The following CTNNA3 variants were observed in gnomAD, a reference collection of about 807,000 sequenced individuals.
The protein encoded by CTNNA3 is catenin alpha-3.
Under a neutral mutation model 95.7 loss-of-function variants are expected in CTNNA3, and 76 were observed. That is an observed-to-expected ratio of 0.79 (90% CI 0.66 to 0.96). CTNNA3 has a LOEUF of 0.96. Ranked by LOEUF, CTNNA3 falls within the 40% of genes least tolerant of loss-of-function variation. The probability of loss-of-function intolerance (pLI) is 0.00; values close to 1 mark genes in which losing one functional copy is unlikely to be tolerated. For synonymous variants in CTNNA3, 431 were observed against 374.4 expected (o/e 1.15, Z -1.74); for missense variants, 1,191 against 1,089.8 (o/e 1.09, Z -1.31).
chr10:66,803,497 T>C lies in CTNNA3; in HGVS notation c.1048-27973A>G, dbSNP rs190159927. On this transcript the variant is annotated intron_variant, in intron 7 of 17. Transcript: ENST00000433211. The stretch of plus-strand genomic sequence containing the variant: ...TACCAGCATTTATCACTACACATTG[T>C]ATATTTTGAGAGTTTATTTGCATGT... 1.7e-3 allele frequency among the ~76,000 whole-genome samples: 252 copies of C among 152,188 alleles called. 1 individual carries two copies. The highest frequency in any genetic ancestry group is 5.9e-3 in the African/African-American group (243 of 41,530).
intron 10 of CTNNA3, among the ~76,000 whole-genome samples, chr10:66,614,189 C>T (rs184586955): frequency 1.1e-3 from 168 of 152,150 alleles, no homozygotes; most frequent in African/African-American, 3.9e-3. Flanking sequence ...TGTACTTCAA[C>T]AGACAAAGTG....
chr10:67,035,359 A>C (rs575886784), intron 7 of CTNNA3, among the ~76,000 whole-genome samples: 2 of 152,332 alleles, frequency 1.3e-5, no homozygotes, highest in East Asian at 3.9e-4. Flanking sequence ...TTCAGAAGGG[A>C]CCAAAACTGA....
chr10:66,358,353 A>C (rs536335998), intron 12 of CTNNA3, among the ~76,000 whole-genome samples: 1 of 152,088 alleles, frequency 6.6e-6, no homozygotes, highest in African/African-American at 2.4e-5. Flanking sequence ...AAATATGGGG[A>C]AAAAAAGGGG....
chr10:66,403,843 A>T (rs1365841733), intron 11 of CTNNA3, among the ~76,000 whole-genome samples: 3 of 152,200 alleles, frequency 2.0e-5, no homozygotes, highest in African/African-American at 7.2e-5. Context: ...GGCATCAGCC[A>T]AGCTAACTTT....
chr10:66,389,515 A>G (rs1380931914), intron 11 of CTNNA3, among the ~76,000 whole-genome samples: 1 of 152,136 alleles, frequency 6.6e-6, no homozygotes, highest in Non-Finnish European at 1.5e-5. Flanking sequence ...CTTGAGATGC[A>G]AAGGGTGATT....
chr10:67,553,784 A>C (rs1589418069), intron 3 of CTNNA3, among the ~76,000 whole-genome samples: 1 of 152,060 alleles, frequency 6.6e-6, no homozygotes, highest in Admixed American at 6.5e-5. Context: ...TTATACTTTA[A>C]GTTCTAGGGT....
intron 15 of CTNNA3, among the ~76,000 whole-genome samples, chr10:66,050,546 C>T (rs1036638443): frequency 7.2e-5 from 11 of 152,084 alleles, no homozygotes; most frequent in African/African-American, 2.4e-4. Flanking sequence ...ATCATCCTGC[C>T]TCAGCCTCTT....
At chr10:67,627,608 T>C (rs1839001176) in intron 2 of CTNNA3, among the ~76,000 whole-genome samples, 1 of 152,144 alleles carries the variant, frequency 6.6e-6, no homozygotes, top group African/African-American at 2.4e-5. Flanking sequence ...TCTAAGTAAG[T>C]TAAAATACTA....
intron 1 of CTNNA3, among the ~76,000 whole-genome samples, chr10:67,736,209 A>ACT (rs1285133698): frequency 7.4e-4 from 112 of 152,332 alleles, no homozygotes; most frequent in Non-Finnish European, 1.0e-3. Context: ...TAAGTATTGT[A>ACT]TAATTCCACT....
chr10:67,547,319 A>G (rs913577190), intron 3 of CTNNA3, among the ~76,000 whole-genome samples: 4 of 152,208 alleles, frequency 2.6e-5, no homozygotes, highest in African/African-American at 9.7e-5. Context: ...AACGAGAGTG[A>G]CTACATCAAA....
chr10:66,112,669 G>T (rs562549829), intron 13 of CTNNA3, among the ~76,000 whole-genome samples: 35 of 151,950 alleles, frequency 2.3e-4, no homozygotes, highest in Non-Finnish European at 4.9e-4. Context: ...TTCTGCTCAT[G>T]GTTTCTAGGA....
chr10:66,894,067 C>T (rs1050482200), intron 7 of CTNNA3, among the ~76,000 whole-genome samples: 1 of 152,014 alleles, frequency 6.6e-6, no homozygotes, highest in African/African-American at 2.4e-5. Context: ...TACCTTAAAT[C>T]ATGTGTCTAA....
intron 5 of CTNNA3, among the ~76,000 whole-genome samples, chr10:67,471,618 T>A (rs910874869): frequency 6.6e-6 from 1 of 152,172 alleles, no homozygotes; most frequent in Non-Finnish European, 1.5e-5. Flanking sequence ...GAGTTGCAAA[T>A]CCTTCTTGTT....
At chr10:66,799,498 T>C (rs1841345696) in intron 7 of CTNNA3, among the ~76,000 whole-genome samples, 1 of 151,534 alleles carries the variant, frequency 6.6e-6, no homozygotes. Context: ...CTAACAGTAC[T>C]GGACATAGAA....
intron 13 of CTNNA3, among the ~76,000 whole-genome samples, chr10:66,271,753 G>A (rs747654728): frequency 1.3e-5 from 2 of 152,144 alleles, no homozygotes; most frequent in South Asian, 2.1e-4. Context: ...AGTCCTATTG[G>A]ACCATGGACT....
intron 7 of CTNNA3, among the ~76,000 whole-genome samples, chr10:66,802,283 C>T (rs533670513): frequency 6.6e-6 from 1 of 151,864 alleles, no homozygotes; most frequent in East Asian, 1.9e-4. Context: ...ATATTATTCA[C>T]AATGCATATA....
intron 12 of CTNNA3, among the ~76,000 whole-genome samples, chr10:66,288,752 T>C (rs7907443): frequency 0.4 from 60,198 of 151,806 alleles, 12,090 homozygotes; most frequent in African/African-American, 0.45. Flanking sequence ...TGCAGGGCAC[T>C]GGTTTAATGT....
At chr10:66,420,423 A>T (rs922331599) in intron 11 of CTNNA3, among the ~76,000 whole-genome samples, 1 of 152,252 alleles carries the variant, frequency 6.6e-6, no homozygotes, top group South Asian at 2.1e-4. Flanking sequence ...ACGCAGTAAA[A>T]TATCACATGC....
At chr10:66,302,188 A>G (rs1230802915) in intron 12 of CTNNA3, among the ~76,000 whole-genome samples, 1 of 152,026 alleles carries the variant, frequency 6.6e-6, no homozygotes, top group Admixed American at 6.5e-5. Context: ...ATAAATGGAG[A>G]GTGAGTTCCG....
Sources: gnomAD v4.1 joint callset for allele counts (sites outside exome capture counted in the v4.1 genomes callset) on GRCh38, gnomAD v4.1.1 for gene constraint, MANE v1.5 for transcripts, NCBI Gene and HGNC (gene_info 2026-07-23, HGNC 2026-07-21) for gene names.